LURAP1L: variants seen among roughly 807,000 people sequenced by gnomAD.
LURAP1L encodes leucine rich adaptor protein 1-like.
Under a neutral mutation model 13.8 loss-of-function variants are expected in LURAP1L, and 12 were observed. The ratio of observed to expected loss-of-function variants is 0.87; its 90% confidence interval spans 0.56 to 1.41. The LOEUF (loss-of-function observed/expected upper bound fraction) is 1.41. LURAP1L is among the 40% of genes most tolerant of loss of function. The pLI, the probability that LURAP1L is intolerant of heterozygous loss-of-function variation, is 0.00. For synonymous variants in LURAP1L, 139 were observed against 119.2 expected (o/e 1.17, Z -1.08); for missense variants, 375 against 292.9 (o/e 1.28, Z -2.04).
chr9:12,775,960 C>T lies in LURAP1L; in HGVS notation c.245C>T (p.Pro82Leu), dbSNP rs1437448711. ...SSSSSPTSGS[P>L]RGSHSSALER... is the part of the protein sequence containing the mutation. ...TCGTCCTCCCCAACCTCTGGCTCCC[C>T]ACGAGGTAGCCACTCTAGCGCCCTG... The change falls in exon 1 of 2, where the codon CCA becomes CTA. Residue 82 changes from proline to leucine, a missense_variant. Transcript: ENST00000319264. 4 of 1,595,856 alleles carry T rather than the reference C, an allele frequency of 2.5e-6. No homozygotes were observed. The highest frequency in any genetic ancestry group is 2.7e-5 in the African/African-American group (2 of 74,380).
intron 1 of LURAP1L, among the ~76,000 whole-genome samples, chr9:12,776,395 G>T (rs1486227752): frequency 1.3e-5 from 2 of 152,144 alleles, no homozygotes; most frequent in Non-Finnish European, 2.9e-5. Context: ...CCTGCTGTGC[G>T]CTGTTAACAC....
intron 1 of LURAP1L, among the ~76,000 whole-genome samples, chr9:12,811,994 G>T (rs1043408299): frequency 6.6e-6 from 1 of 152,190 alleles, no homozygotes; most frequent in African/African-American, 2.4e-5. Flanking sequence ...GTTGTCCAGA[G>T]ATCTCAGTTC....
At chr9:12,811,813 G>A (rs1043439282) in intron 1 of LURAP1L, among the ~76,000 whole-genome samples, 7 of 152,248 alleles carry the variant, frequency 4.6e-5, no homozygotes, top group Admixed American at 6.5e-5. Context: ...CTATATTAGG[G>A]AGTCTGGGCA....
intron 1 of LURAP1L, among the ~76,000 whole-genome samples, chr9:12,795,766 A>G (rs189670332): frequency 6.6e-6 from 1 of 152,122 alleles, no homozygotes; most frequent in Admixed American, 6.6e-5. Flanking sequence ...TTTTCTTACA[A>G]TTGTCTTCTT....
intron 1 of LURAP1L, among the ~76,000 whole-genome samples, chr9:12,800,722 C>T (rs946300025): frequency 3.9e-5 from 6 of 152,174 alleles, no homozygotes; most frequent in African/African-American, 9.6e-5. Flanking sequence ...CACCTTCTGC[C>T]GTGATTCTAA....
At chr9:12,815,817 A>G (rs1819797636) in intron 1 of LURAP1L, among the ~76,000 whole-genome samples, 1 of 152,216 alleles carries the variant, frequency 6.6e-6, no homozygotes, top group Non-Finnish European at 1.5e-5. Flanking sequence ...ATATATAGAC[A>G]TATTAAAGAT....
At chr9:12,776,565 C>G (rs1819187720) in intron 1 of LURAP1L, among the ~76,000 whole-genome samples, 1 of 152,074 alleles carries the variant, frequency 6.6e-6, no homozygotes, top group Admixed American at 6.5e-5. Context: ...CTTGGTGCAG[C>G]AGCCGCAGCT....
chr9:12,803,903 G>T (rs910599771), intron 1 of LURAP1L, among the ~76,000 whole-genome samples: 1 of 152,158 alleles, frequency 6.6e-6, no homozygotes, highest in Non-Finnish European at 1.5e-5. Flanking sequence ...ACAGCTACAT[G>T]AAATTATTAG....
chr9:12,804,477 G>A (rs2118521140), intron 1 of LURAP1L, among the ~76,000 whole-genome samples: 1 of 151,804 alleles, frequency 6.6e-6, no homozygotes, highest in East Asian at 1.9e-4. Flanking sequence ...CCAGTAGGTG[G>A]GATTACAGGT....
At chr9:12,808,294 G>T (rs1262154532) in intron 1 of LURAP1L, among the ~76,000 whole-genome samples, 1 of 151,920 alleles carries the variant, frequency 6.6e-6, no homozygotes, top group Non-Finnish European at 1.5e-5. Context: ...GTTGGTCTCA[G>T]AAAGTCTTTA....
chr9:12,775,582 A>G lies in LURAP1L; in HGVS notation c.-134A>G. ...TACCGCATAGGCGGTTATGGAAAGG[A>G]CGGTACACCGGAGCGGCGGAGGATA... On this transcript the variant is annotated 5_prime_UTR_variant, in exon 1 of 2. Transcript: ENST00000319264. The G allele has an allele frequency of 7.2e-7, 1 of 1,395,060 alleles. No individual in the cohort carries two copies. The highest frequency in any genetic ancestry group is 9.4e-7 in the Non-Finnish European group (1 of 1,064,536). 86.4% of individuals were successfully genotyped at this position (1,395,060 alleles called of 1,614,324 possible).
intron 1 of LURAP1L, 31 bp from the exon 2 acceptor site, chr9:12,821,355 T>A: frequency 6.3e-7 from 1 of 1,589,598 alleles, no homozygotes; most frequent in Non-Finnish European, 8.6e-7. Flanking sequence ...GTAAAATGGC[T>A]GGAATATCTT....
At chr9:12,788,437 T>C (rs946885511) in intron 1 of LURAP1L, among the ~76,000 whole-genome samples, 2 of 152,136 alleles carry the variant, frequency 1.3e-5, no homozygotes, top group African/African-American at 4.8e-5. Flanking sequence ...CTCCTTAATT[T>C]GGCAATTCTG....
At chr9:12,786,707 G>C (rs888193120) in intron 1 of LURAP1L, among the ~76,000 whole-genome samples, 1 of 151,100 alleles carries the variant, frequency 6.6e-6, no homozygotes, top group East Asian at 2.0e-4. Context: ...TTAGAGATCA[G>C]ACATCATCAG....
At chr9:12,797,006 G>C (rs1035656994) in intron 1 of LURAP1L, among the ~76,000 whole-genome samples, 2 of 151,938 alleles carry the variant, frequency 1.3e-5, no homozygotes, top group Admixed American at 6.6e-5. Flanking sequence ...AGAAGTTATT[G>C]TTTATGCTAT....
At chr9:12,801,586 TA>T (rs1819586229) in intron 1 of LURAP1L, among the ~76,000 whole-genome samples, 1 of 152,178 alleles carries the variant, frequency 6.6e-6, no homozygotes, top group Non-Finnish European at 1.5e-5. Context: ...AATATTGCTT[TA>T]AAAACATTTT....
chr9:12,815,189 C>T (rs1408200437), intron 1 of LURAP1L, among the ~76,000 whole-genome samples: 1 of 152,056 alleles, frequency 6.6e-6, no homozygotes, highest in African/African-American at 2.4e-5. Context: ...GGCAGAAAAT[C>T]TTCTGTGATC....
intron 1 of LURAP1L, among the ~76,000 whole-genome samples, chr9:12,820,670 G>A (rs1315717420): frequency 6.6e-6 from 1 of 152,132 alleles, no homozygotes; most frequent in Non-Finnish European, 1.5e-5. Context: ...CTCATAAATT[G>A]GATCAGCCTA....
intron 1 of LURAP1L, among the ~76,000 whole-genome samples, chr9:12,783,277 T>C (rs985807793): frequency 1.3e-5 from 2 of 152,202 alleles, no homozygotes; most frequent in African/African-American, 4.8e-5. Flanking sequence ...GCATCCTCCT[T>C]ATTTCCAGAC....
Sources: gnomAD v4.1 joint callset for allele counts (sites outside exome capture counted in the v4.1 genomes callset) on GRCh38, gnomAD v4.1.1 for gene constraint, MANE v1.5 for transcripts, NCBI Gene and HGNC (gene_info 2026-07-23, HGNC 2026-07-21) for gene names.